OR4D10: variants seen among roughly 807,000 people sequenced by gnomAD.
OR4D10 encodes olfactory receptor family 4 subfamily D member 10.
For missense variants in OR4D10, 395 were observed against 378.0 expected, an observed-to-expected ratio of 1.04 and a Z score of -0.37; for synonymous variants, 188 against 153.2, an observed-to-expected ratio of 1.23 and a Z score of -1.68.
chr11:59,477,756 G>T lies in OR4D10; in HGVS notation c.327G>T (p.Gly109=). 1.2e-6 allele frequency: 2 copies of T among 1,614,106 alleles called. No homozygotes were observed. The highest frequency in any genetic ancestry group is 1.7e-6 in the Non-Finnish European group (2 of 1,180,016). The change falls in exon 3 of 3, where the codon GGG becomes GGT. Residue 109 remains glycine, a synonymous_variant. Coordinates refer to ENST00000530162, the MANE Select transcript of OR4D10 (RefSeq NM_001004705.2). ...TQMFLFHLIG[G]VDVFSLSVMA... ...TGTTTCTATTCCACCTTATTGGAGG[G>T]GTGGATGTATTTTCTCTTTCGGTGA... is the stretch of plus-strand genomic sequence containing the variant.
chr11:59,477,591 C>G lies in OR4D10; in HGVS notation c.162C>G (p.Arg54=). 1 of 1,614,130 alleles carries G rather than the reference C, an allele frequency of 6.2e-7. No homozygotes were observed. Among genetic ancestry groups the G allele is most frequent in the Non-Finnish European group, 8.5e-7 (1 of 1,179,996 alleles). Residue 54 remains arginine (R), a synonymous_variant, in exon 3 of 3, where the codon CGC becomes CGG. Coordinates refer to ENST00000530162, the MANE Select transcript of OR4D10 (RefSeq NM_001004705.2). ...LIMVTVTCES[R]LHTPMYFLLH... ...TGGTCACTGTTACCTGTGAATCTCG[C>G]CTTCACACGCCCATGTATTTTTTGC...
intron 2 of OR4D10, among the ~76,000 whole-genome samples, chr11:59,475,758 A>T (rs966132836): frequency 3.3e-5 from 5 of 152,214 alleles, no homozygotes; most frequent in Non-Finnish European, 7.3e-5. Flanking sequence ...ATCCAACATT[A>T]AGGAGGCATG....
chr11:59,477,950 T>G lies in OR4D10; in HGVS notation c.521T>G (p.Leu174Arg). 6.2e-7 allele frequency: 1 copy of G among 1,614,180 alleles called. No homozygotes were observed. Residue 174 changes from leucine to arginine, a missense_variant, in exon 3 of 3, where the codon CTT becomes CGT. By Grantham distance (102) the Leu-to-Arg change is moderately radical (BLOSUM62 -2). Coordinates refer to ENST00000530162, the MANE Select transcript of OR4D10 (RefSeq NM_001004705.2). ...CTCCCTTTCTGCGGACCCAATGTTCTTGACACTTTCTACTGTGATGTCCAC... is the reference window on the plus strand; with the variant it reads ...CTCCCTTTCTGCGGACCCAATGTTCGTGACACTTTCTACTGTGATGTCCAC... The part of the protein sequence containing the change: ...LPLPFCGPNV[L>R]DTFYCDVHRV...
At chr11:59,476,192 A>G (rs1010330141) in intron 2 of OR4D10, among the ~76,000 whole-genome samples, 3 of 152,172 alleles carry the variant, frequency 2.0e-5, no homozygotes, top group Admixed American at 2.0e-4. Flanking sequence ...CTCTTGGGGT[A>G]TGGAGATTGC....
intron 2 of OR4D10, among the ~76,000 whole-genome samples, chr11:59,477,043 G>A (rs1332454098): frequency 6.6e-6 from 1 of 151,922 alleles, no homozygotes; most frequent in Non-Finnish European, 1.5e-5. Flanking sequence ...AGCAGTATAA[G>A]TGACAAGAAA....
intron 2 of OR4D10, among the ~76,000 whole-genome samples, chr11:59,476,803 C>T (rs1457039603): frequency 1.3e-5 from 2 of 152,090 alleles, no homozygotes; most frequent in Non-Finnish European, 2.9e-5. Context: ...CTCTTCACTA[C>T]ATCCCCCTGC....
At position 59,478,160 on chromosome 11, in the gene OR4D10, T is replaced by A; in HGVS notation, c.731T>A (p.Ile244Asn). Residue 244 changes from isoleucine (I) to asparagine (N), a missense_variant, in exon 3 of 3, where the codon ATC becomes AAC. Coordinates refer to ENST00000530162, the MANE Select transcript of OR4D10 (RefSeq NM_001004705.2). ...RKAISTCTSH[I>N]TVVTLHFVPC... ...GCCATCTCCACCTGCACCTCCCACA[T>A]CACTGTGGTGACCCTGCATTTCGTG... The A allele has an allele frequency of 6.2e-7, 1 of 1,614,120 alleles. No homozygotes were observed. Among genetic ancestry groups the A allele is most frequent in the Non-Finnish European group, 8.5e-7 (1 of 1,179,990 alleles).
At chr11:59,475,346 T>C (rs145875020) in intron 2 of OR4D10, among the ~76,000 whole-genome samples, 1 of 152,274 alleles carries the variant, frequency 6.6e-6, no homozygotes, top group Non-Finnish European at 1.5e-5. Flanking sequence ...AAGCATGTCA[T>C]CTTCACCACC....
rs1423690151 is a variant in OR4D10, at chr11:59,478,193, T to C, written c.764T>C (p.Ile255Thr). 2 of 1,614,042 alleles carry C rather than the reference T, an allele frequency of 1.2e-6. No individual in the cohort carries two copies. The highest frequency in any genetic ancestry group is 1.7e-6 in the Non-Finnish European group (2 of 1,180,020). Residue 255 changes from isoleucine to threonine, a missense_variant, in exon 3 of 3, where the codon ATC becomes ACC. Coordinates refer to ENST00000530162, the MANE Select transcript of OR4D10 (RefSeq NM_001004705.2). ...GTGACCCTGCATTTCGTGCCCTGCA[T>C]CTATGTCTATGCCCGGCCCTTCACT... ...TVVTLHFVPC[I>T]YVYARPFTAL...
At position 59,477,309 on chromosome 11, in the gene OR4D10, C is replaced by T. The variant is rs1439363124; in HGVS notation, c.-121C>T. 20 of 664,638 alleles carry T rather than the reference C, an allele frequency of 3.0e-5. No individual in the cohort carries two copies. The highest frequency in any genetic ancestry group is 4.8e-5 in the Non-Finnish European group (20 of 414,510). The allele number at this position is 664,638 out of a possible 1,614,324, so 41.2% of individuals were successfully genotyped here. On this transcript the variant is annotated 5_prime_UTR_variant, in exon 3 of 3. Coordinates refer to ENST00000530162, the MANE Select transcript of OR4D10 (RefSeq NM_001004705.2). ...TGAACAATGCAACAAACTGCAAAAA[C>T]TACAACCGCATGGGAAGTTTCTGCA...
Position 59,478,430 on chromosome 11 carries a change from C to T in OR4D10, c.*65C>T. The stretch of plus-strand genomic sequence containing the variant: ...ATATTTATTATTTTTCCCATGAAGT[C>T]ATATTCATATATTCAAATATATTGT... On this transcript the variant is annotated 3_prime_UTR_variant, in exon 3 of 3. Coordinates refer to ENST00000530162, the MANE Select transcript of OR4D10 (RefSeq NM_001004705.2). 1 of 1,137,346 alleles carries T rather than the reference C, an allele frequency of 8.8e-7. No homozygotes were observed. Among genetic ancestry groups the T allele is most frequent in the Non-Finnish European group, 1.2e-6 (1 of 827,028 alleles). 70.5% of individuals were successfully genotyped at this position (1,137,346 alleles called of 1,614,324 possible). A position where few individuals can be genotyped will look rare whatever the true frequency, so the allele number is the denominator to read the frequency against.
intron 2 of OR4D10, among the ~76,000 whole-genome samples, chr11:59,476,288 G>A (rs1246102112): frequency 1.3e-5 from 2 of 152,170 alleles, no homozygotes; most frequent in East Asian, 3.8e-4. Context: ...AGACAGGAAA[G>A]GTGAAGGAAA....
In OR4D10 at chr11:59,477,695, G is replaced by C. The variant is rs1427208328; in HGVS notation, c.266G>C (p.Arg89Thr). Residue 89 changes from arginine (R) to threonine (T), a missense_variant, in exon 3 of 3, where the codon AGA (arginine) becomes ACA (threonine). By Grantham distance (71) the Arg-to-Thr change is moderately conservative. Transcript: ENST00000530162. ...GTTCTGGTGGACCTTCTGTCTGAAA[G>C]AAAGACCATCTCCTTCAATCATTGC... is the stretch of plus-strand genomic sequence containing the variant. ...PKVLVDLLSE[R>T]KTISFNHCFT... The C allele has an allele frequency of 6.2e-7, 1 of 1,614,036 alleles. No individual in the cohort carries two copies.
intron 2 of OR4D10, among the ~76,000 whole-genome samples, chr11:59,476,362 G>A (rs573827888): frequency 6.6e-6 from 1 of 152,142 alleles, no homozygotes; most frequent in East Asian, 1.9e-4. Context: ...TCAAACCCCA[G>A]GGTCTATACC....
At position 59,475,602 on chromosome 11, in the gene OR4D10, G is replaced by A. The variant is rs189185634; in HGVS notation, c.-168-1660G>A. Among the ~76,000 whole-genome samples the A allele has an allele frequency of 3.3e-5, 5 of 152,274 alleles. No homozygotes were observed. The East Asian group carries it at 7.7e-4, about 24-fold the overall frequency. ...ATTGCTCCAGAGTAAGAACTTTGCT[G>A]TGGTCATGTGAATATTGCTATTACT... On this transcript the variant is annotated intron_variant, in intron 2 of 2. Coordinates refer to ENST00000530162, the MANE Select transcript of OR4D10 (RefSeq NM_001004705.2).
At chr11:59,475,097 A>G (rs1858889579) in intron 2 of OR4D10, among the ~76,000 whole-genome samples, 1 of 151,110 alleles carries the variant, frequency 6.6e-6, no homozygotes, top group African/African-American at 2.4e-5. Context: ...AAAAGAAATC[A>G]AAGGACATTG....
intron 1 of OR4D10, 22 bp from the exon 2 acceptor site, chr11:59,473,717 T>C (rs1858868993): frequency 6.6e-6 from 1 of 152,254 alleles, no homozygotes; most frequent in African/African-American, 2.4e-5. Context: ...GTATGACTAA[T>C]TTAACTTTGA....
intron 2 of OR4D10, among the ~76,000 whole-genome samples, chr11:59,474,489 C>T (rs1858878323): frequency 6.6e-6 from 1 of 152,050 alleles, no homozygotes; most frequent in Admixed American, 6.6e-5. Context: ...AAATTTATTC[C>T]AAATGACCAA....
In OR4D10 at chr11:59,478,377, C is replaced by G. The variant is rs1259840260; in HGVS notation, c.*12C>G. The stretch of plus-strand genomic sequence containing the variant: ...CTGATAGAAAATAGAAAAAAAAATC[C>G]TCAGCTCTTCATCACCAAAGATATC... On this transcript the variant is annotated 3_prime_UTR_variant, in exon 3 of 3. Coordinates refer to ENST00000530162, the MANE Select transcript of OR4D10 (RefSeq NM_001004705.2). 3.3e-6 allele frequency: 5 copies of G among 1,522,990 alleles called. No individual in the cohort carries two copies. Among genetic ancestry groups the G allele is most frequent in the South Asian group, 1.3e-5 (1 of 78,218 alleles). The allele number at this position is 1,522,990 out of a possible 1,614,324, so 94.3% of individuals were successfully genotyped here.
Sources: allele counts gnomAD v4.1 joint callset (sites outside exome capture counted in the v4.1 genomes callset), GRCh38; gene constraint gnomAD v4.1.1; transcripts MANE v1.5; gene names NCBI Gene and HGNC (gene_info 2026-07-23, HGNC 2026-07-21).